The following RUSC1 variants were observed in gnomAD, a reference collection of about 807,000 sequenced individuals.
The protein encoded by RUSC1 is AP-4 complex accessory subunit RUSC1.
In RUSC1, 40 loss-of-function variants were observed where a neutral mutation model predicts 72.1. The observed-to-expected ratio is 0.55, with a 90% confidence interval of 0.43 to 0.72. The LOEUF is 0.72. Ranked by LOEUF, RUSC1 falls within the 30% of genes least tolerant of loss-of-function variation. The pLI is 0.00. For missense variants in RUSC1, 1,092 were observed against 1,172.3 expected (o/e 0.93, Z 1.00); for synonymous variants, 512 against 494.2 (o/e 1.04, Z -0.48).
At position 155,325,020 on chromosome 1, in the gene RUSC1, G is replaced by A; in HGVS notation, c.1456+77G>A. On this transcript the variant is annotated intron_variant, in intron 3 of 9. Coordinates refer to ENST00000368352, the MANE Select transcript of RUSC1 (RefSeq NM_001105203.2). This position sits in a 1 kb window ranked among gnomAD's most constrained non-coding sequence, Gnocchi z 6.5. ...CCCCGGCCCTGCTCTCAGGCTGTCC[G>A]AAGGCAGTCTCTCCACGCCCCTCGG... The A allele has an allele frequency of 1.2e-6, 2 of 1,613,786 alleles. No individual in the cohort carries two copies. The highest frequency in any genetic ancestry group is 1.7e-6 in the Non-Finnish European group (2 of 1,179,712).
At position 155,324,865 on chromosome 1, in the gene RUSC1, G is replaced by A; in HGVS notation, c.1378G>A (p.Ala460Thr). 1.2e-6 allele frequency: 2 copies of A among 1,614,258 alleles called. No homozygotes were observed. Among genetic ancestry groups the A allele is most frequent in the Non-Finnish European group, 1.7e-6 (2 of 1,180,046 alleles). ...GLEVRSSWSFAGVPGAQRLWM... is the reference protein window; with the variant it reads ...GLEVRSSWSFTGVPGAQRLWM... Reference sequence around the variant, plus strand: ...GCCAGTCCGTAGTTCGTGGTCCTTCGCCGGTGTCCCCGGAGCCCAGCGGCT... The same window carrying A: ...GCCAGTCCGTAGTTCGTGGTCCTTCACCGGTGTCCCCGGAGCCCAGCGGCT... The change falls in exon 3 of 10, where the codon GCC (alanine) becomes ACC (threonine). Residue 460 changes from alanine to threonine, a missense_variant. Ala to Thr is a moderately conservative substitution (Grantham distance 58, BLOSUM62 0). Coordinates refer to ENST00000368352, the MANE Select transcript of RUSC1 (RefSeq NM_001105203.2).
intron 2 of RUSC1, chr1:155,323,881 C>T: frequency 1.0e-6 from 1 of 985,286 alleles, no homozygotes; most frequent in Non-Finnish European, 1.2e-6. Context: ...TCTCGCCCGG[C>T]CCCGTTTTCG....
Position 155,321,854 on chromosome 1 carries a change from C to T in RUSC1, c.81C>T (p.Ser27=). 1 of 1,613,846 alleles carries T rather than the reference C, an allele frequency of 6.2e-7. No homozygotes were observed. Among genetic ancestry groups the T allele is most frequent in the Non-Finnish European group, 8.5e-7 (1 of 1,180,004 alleles). The part of the protein sequence containing the change: ...LQHVSLGLHL[S]RRPELQEGPL... Reference sequence around the variant, plus strand: ...ACGTCTCCCTGGGCCTGCACTTGTCCCGCCGTCCTGAGCTACAGGAGGGGC... The same window carrying T: ...ACGTCTCCCTGGGCCTGCACTTGTCTCGCCGTCCTGAGCTACAGGAGGGGC... The change falls in exon 2 of 10, where the codon TCC becomes TCT. Residue 27 remains serine, a synonymous_variant. Coordinates refer to ENST00000368352, the MANE Select transcript of RUSC1 (RefSeq NM_001105203.2).
rs1382510958 is a variant in RUSC1, at chr1:155,325,591, C to T, written c.1733C>T (p.Thr578Ile). The part of the protein sequence containing the change: ...KPGSSTRSLG[T>I]LYSQVSRLAP... The stretch of plus-strand genomic sequence containing the variant: ...GGCTCCAGCACCCGCTCCCTTGGAA[C>T]CCTGTATAGCCAGGTCAGCCGTCTA... The change falls in exon 6 of 10, where the codon ACC (threonine) becomes ATC (isoleucine). Residue 578 changes from threonine to isoleucine, a missense_variant. By Grantham distance (89) the Thr-to-Ile change is moderately conservative (BLOSUM62 -1). Coordinates refer to ENST00000368352, the MANE Select transcript of RUSC1 (RefSeq NM_001105203.2). This position sits in a 1 kb window ranked among gnomAD's most constrained non-coding sequence, Gnocchi z 6.5. 1 of 1,611,828 alleles carries T rather than the reference C, an allele frequency of 6.2e-7. No homozygotes were observed. Among genetic ancestry groups the T allele is most frequent in the Non-Finnish European group, 8.5e-7 (1 of 1,179,956 alleles).
At position 155,326,755 on chromosome 1, in the gene RUSC1, T is replaced by A. The variant is rs1651455131; in HGVS notation, c.2037T>A (p.Pro679=). ...HHLPLGPPQA[P]APPGPPPALQ... Reference sequence around the variant, plus strand: ...TGCCCCTGGGCCCACCTCAGGCCCCTGCCCCTCCAGGCCCACCTCCAGCTC... The same window carrying A: ...TGCCCCTGGGCCCACCTCAGGCCCCAGCCCCTCCAGGCCCACCTCCAGCTC... Residue 679 remains proline, a synonymous_variant, in exon 8 of 10, where the codon CCT becomes CCA. Transcript: ENST00000368352. The surrounding 1 kb of genome is among the most constrained non-coding windows in gnomAD (Gnocchi z 4.7). 1 of 1,612,984 alleles carries A rather than the reference T, an allele frequency of 6.2e-7. No homozygotes were observed. Among genetic ancestry groups the A allele is most frequent in the Admixed American group, 1.7e-5 (1 of 60,014 alleles).
rs764423399 is a variant in RUSC1 at position 155,325,493 on chromosome 1, G to GA, written c.1708+4dup. The GA allele has an allele frequency of 1.9e-6, 3 of 1,597,284 alleles. No individual in the cohort carries two copies. On this transcript the variant is annotated splice_donor_region_variant and intron_variant, in intron 5 of 9. Coordinates refer to ENST00000368352, the MANE Select transcript of RUSC1 (RefSeq NM_001105203.2). This position sits in a 1 kb window ranked among gnomAD's most constrained non-coding sequence, Gnocchi z 6.5. ...GGTGGAGGCGTCGGTGAAGCCAGGTGAGCCAGGAGGGCGTGGGACCCGGCA... is the reference window on the plus strand; with the variant it reads ...GGTGGAGGCGTCGGTGAAGCCAGGTGAAGCCAGGAGGGCGTGGGACCCGGCA...
chr1:155,323,071 C>T lies in RUSC1; in HGVS notation c.1298C>T (p.Pro433Leu). 2.1e-6 allele frequency: 3 copies of T among 1,433,338 alleles called. No individual in the cohort carries two copies. The highest frequency in any genetic ancestry group is 2.7e-6 in the Non-Finnish European group (3 of 1,096,108). The allele number at this position is 1,433,338 out of a possible 1,614,324, so 88.8% of individuals were successfully genotyped here. A position where few individuals can be genotyped will look rare whatever the true frequency, so the allele number is the denominator to read the frequency against. ...GQSEEGRAVS[P>L]AAGEEAPAAK... ...TCCGAGGAGGGCCGGGCTGTCAGCC[C>T]AGCGGCTGGCGAGGAGGCCCCAGCC... The change falls in exon 2 of 10, where the codon CCA becomes CTA. Residue 433 changes from proline to leucine, a missense_variant. Pro to Leu is a moderately conservative substitution (Grantham distance 98). Transcript: ENST00000368352.
In RUSC1 at chr1:155,325,082, C is replaced by G. The variant is rs377637694; in HGVS notation, c.1457-20C>G. ...TAGGGGCGCGGCCTCCTAGCGTCTT[C>G]CCTTTCCCACTCCTCCCAGGTCTTC... On this transcript the variant is annotated intron_variant, in intron 3 of 9. Transcript: ENST00000368352. This position sits in a 1 kb window ranked among gnomAD's most constrained non-coding sequence, Gnocchi z 6.5. 20 of 1,614,106 alleles carry G rather than the reference C, an allele frequency of 1.2e-5. No individual in the cohort carries two copies. The highest frequency in any genetic ancestry group is 2.2e-5 in the East Asian group (1 of 44,896).
At position 155,322,562 on chromosome 1, in the gene RUSC1, C is replaced by A. The variant is rs867312743; in HGVS notation, c.789C>A (p.Asn263Lys). Residue 263 changes from asparagine (N) to lysine (K), a missense_variant, in exon 2 of 10, where the codon AAC (asparagine) becomes AAA (lysine). Coordinates refer to ENST00000368352, the MANE Select transcript of RUSC1 (RefSeq NM_001105203.2). ...GTTGGAAAAACAACGGGAATGTTAACTCTAGCTGGAAAAGTGAACCTGAAA... is the reference window on the plus strand; with the variant it reads ...GTTGGAAAAACAACGGGAATGTTAAATCTAGCTGGAAAAGTGAACCTGAAA... Reference protein sequence around the residue: ...NTGWKNNGNVNSSWKSEPEKF... With the variant: ...NTGWKNNGNVKSSWKSEPEKF... The A allele has an allele frequency of 1.9e-6, 3 of 1,614,240 alleles. No individual in the cohort carries two copies. Among genetic ancestry groups the A allele is most frequent in the Middle Eastern group, 3.3e-4 (2 of 6,062 alleles).
chr1:155,324,479 G>T, intron 2 of RUSC1: 2 of 1,609,810 alleles, frequency 1.2e-6, no homozygotes, highest in Non-Finnish European at 8.5e-7. Flanking sequence ...CGGTGCGCTG[G>T]GCTACACCTC....
Position 155,324,124 on chromosome 1 carries a change from G to A in RUSC1, c.1358-721G>A, listed in dbSNP as rs1650963840. On this transcript the variant is annotated intron_variant, in intron 2 of 9. Coordinates refer to ENST00000368352, the MANE Select transcript of RUSC1 (RefSeq NM_001105203.2). ...GGGGGTCCCAGCGAGTCTGTTGTTA[G>A]GGGCTTTGGGTCACACCCTCTGTGG... 5 of 1,254,318 alleles carry A rather than the reference G, an allele frequency of 4.0e-6. No individual in the cohort carries two copies. The South Asian group carries it at 7.2e-5, about 18-fold the overall frequency. The allele number at this position is 1,254,318 out of a possible 1,614,324, so 77.7% of individuals were successfully genotyped here. A position where few individuals can be genotyped will look rare whatever the true frequency, so the allele number is the denominator to read the frequency against.
In RUSC1 at chr1:155,330,847, A is replaced by G. The variant is rs148349236; in HGVS notation, c.*276A>G. ...TAAGGGAATGTCTTCCTTCCTATCT[A>G]TCTGCAAAATGGAAATCTAGACCTC... On this transcript the variant is annotated 3_prime_UTR_variant, in exon 10 of 10. Transcript: ENST00000368352. The G allele has an allele frequency of 1.4e-3, 418 of 294,948 alleles. 2 individuals are homozygous for G. Among genetic ancestry groups the G allele is most frequent in the African/African-American group, 8.4e-3 (377 of 45,138 alleles). The allele number at this position is 294,948 out of a possible 1,614,324, so 18.3% of individuals were successfully genotyped here.
At position 155,330,346 on chromosome 1, in the gene RUSC1, G is replaced by A. The variant is rs1350799509; in HGVS notation, c.2541-57G>A. 1.9e-6 allele frequency: 3 copies of A among 1,587,736 alleles called. No homozygotes were observed. In the East Asian group the frequency reaches 6.7e-5, roughly 36 times the overall value. On this transcript the variant is annotated intron_variant, in intron 9 of 9. Coordinates refer to ENST00000368352, the MANE Select transcript of RUSC1 (RefSeq NM_001105203.2). ...GGGCACTCTAGAGGTGACGCCTGGG[G>A]ACGGCTGGGCAGCCCCACCTCACCT... is the stretch of plus-strand genomic sequence containing the variant.
rs1222321326 is a variant in RUSC1, at chr1:155,325,332, G to A, written c.1550G>A (p.Ser517Asn). The A allele has an allele frequency of 6.2e-7, 1 of 1,601,212 alleles. No individual in the cohort carries two copies. The highest frequency in any genetic ancestry group is 1.1e-5 in the South Asian group (1 of 90,568). ...NLVQKAQLGD[S>N]RLSPDVGHLV... ...CACCTCCAGGCCCAGTTGGGTGATA[G>A]CCGGCTGAGCCCGGATGTGGGGCAC... is the stretch of plus-strand genomic sequence containing the variant. The change falls in exon 5 of 10, where the codon AGC becomes AAC. Residue 517 changes from serine (S) to asparagine (N), a missense_variant. Ser to Asn is a conservative substitution (Grantham distance 46, BLOSUM62 1). Coordinates refer to ENST00000368352, the MANE Select transcript of RUSC1 (RefSeq NM_001105203.2). This position sits in a 1 kb window ranked among gnomAD's most constrained non-coding sequence, Gnocchi z 6.5.
At chr1:155,324,310 T>G (rs920910334) in intron 2 of RUSC1, 8 of 1,572,462 alleles carry the variant, frequency 5.1e-6, no homozygotes, top group African/African-American at 2.7e-5. Context: ...GCCAAGAGGC[T>G]GCTGCGGGAC....
In RUSC1 at chr1:155,330,394, TC is replaced by T; in HGVS notation, c.2541-5del. 6.2e-7 allele frequency: 1 copy of T among 1,612,226 alleles called. No individual in the cohort carries two copies. Among genetic ancestry groups the T allele is most frequent in the South Asian group, 1.1e-5 (1 of 90,998 alleles). On this transcript the variant is annotated splice_polypyrimidine_tract_variant and splice_region_variant and intron_variant, in intron 9 of 9. Coordinates refer to ENST00000368352, the MANE Select transcript of RUSC1 (RefSeq NM_001105203.2). ...CCTCATCCCAGTATCTTCCTCTGGC[TC>T]CCCTCAGGGCAGTGCGGGCTCTCTG...
Position 155,322,276 on chromosome 1 carries a change from C to G in RUSC1, c.503C>G (p.Ser168Cys), listed in dbSNP as rs1341096131. Reference sequence around the variant, plus strand: ...TTCTGCTGCTCTCCTGATTCCTGCTCCGGAGCTTCTTCTTCACCCGATCCT... The same window carrying G: ...TTCTGCTGCTCTCCTGATTCCTGCTGCGGAGCTTCTTCTTCACCCGATCCT... The part of the protein sequence containing the change: ...DSFCCSPDSC[S>C]GASSSPDPGL... Residue 168 changes from serine (S) to cysteine (C), a missense_variant, in exon 2 of 10, where the codon TCC (serine) becomes TGC (cysteine). By Grantham distance (112) the Ser-to-Cys change is moderately radical. Transcript: ENST00000368352. 2 of 1,611,876 alleles carry G rather than the reference C, an allele frequency of 1.2e-6. No individual in the cohort carries two copies. Among genetic ancestry groups the G allele is most frequent in the African/African-American group, 1.3e-5 (1 of 74,880 alleles).
chr1:155,324,389 C>T (rs753638150), intron 2 of RUSC1: 5 of 1,612,878 alleles, frequency 3.1e-6, no homozygotes, highest in Middle Eastern at 1.7e-4. Context: ...CGTCTCCTCC[C>T]TTTCCCCTGT....
Position 155,325,249 on chromosome 1 carries a change from T to C in RUSC1, c.1534-67T>C. The C allele has an allele frequency of 6.2e-7, 1 of 1,611,248 alleles. No homozygotes were observed. The highest frequency in any genetic ancestry group is 8.5e-7 in the Non-Finnish European group (1 of 1,179,802). On this transcript the variant is annotated intron_variant, in intron 4 of 9. Coordinates refer to ENST00000368352, the MANE Select transcript of RUSC1 (RefSeq NM_001105203.2). The surrounding 1 kb of genome is among the most constrained non-coding windows in gnomAD (Gnocchi z 6.5). ...AGCTCCGCGGGGGGTGCGGGAATGG[T>C]TGGCGGGAGGTGGCTGGGAGGTGTC...
Sources: allele counts gnomAD v4.1 joint callset, GRCh38; gene constraint gnomAD v4.1.1; non-coding constraint Gnocchi (gnomAD v3.1); transcripts MANE v1.5; gene names NCBI Gene and HGNC (gene_info 2026-07-23, HGNC 2026-07-21).